Variants in ZBTB8B observed in about 807,000 individuals in gnomAD.
ZBTB8B encodes the protein zinc finger and BTB domain-containing protein 8B.
ZBTB8B carries 17 observed loss-of-function variants against 30.3 expected under a neutral mutation model. That is an observed-to-expected ratio of 0.56 (90% CI 0.38 to 0.84). The LOEUF is 0.84. Among genes scored for constraint, ZBTB8B ranks in the 40% least tolerant of loss-of-function variants. ZBTB8B has a pLI of 0.00. For synonymous variants in ZBTB8B, 248 were observed against 255.6 expected, an observed-to-expected ratio of 0.97 and a Z score of 0.28; for missense variants, 515 against 644.9, an observed-to-expected ratio of 0.80 and a Z score of 2.18.
At position 32,485,205 on chromosome 1, in the gene ZBTB8B, C is replaced by A; in HGVS notation, c.1275C>A (p.Thr425=). 1 of 1,551,924 alleles carries A rather than the reference C, an allele frequency of 6.4e-7. No individual in the cohort carries two copies. Among genetic ancestry groups the A allele is most frequent in the South Asian group, 1.2e-5 (1 of 84,056 alleles). Residue 425 remains threonine, a synonymous_variant, in exon 4 of 4, where the codon ACC becomes ACA. Transcript: ENST00000609129. ...GCTTCGGGCTGTGTGACAGCTGCAC[C>A]TGCGTTACAGACACACCCGATGATG... ...LRRFGLCDSC[T]CVTDTPDDDD... is the part of the protein sequence containing the mutation.
rs1643742121 is a variant in ZBTB8B at position 32,485,950 on chromosome 1, C to T, written c.*532C>T. On this transcript the variant is annotated 3_prime_UTR_variant, in exon 4 of 4. Coordinates refer to ENST00000609129, the MANE Select transcript of ZBTB8B (RefSeq NM_001145720.2). ...GCTACATGATCATAAAAGGTACTCC[C>T]TAAATCTAGAACAATTTTAAAGGCT... 1 of 155,982 alleles carries T rather than the reference C, an allele frequency of 6.4e-6. No individual in the cohort carries two copies. The highest frequency in any genetic ancestry group is 6.2e-5 in the Admixed American group (1 of 16,096). 9.7% of individuals were successfully genotyped at this position (155,982 alleles called of 1,614,324 possible).
chr1:32,490,776 A>T lies in ZBTB8B; in HGVS notation c.*5358A>T, dbSNP rs1643773950. The T allele has an allele frequency of 6.6e-6, 1 of 152,128 alleles. No homozygotes were observed. Among genetic ancestry groups the T allele is most frequent in the Admixed American group, 6.5e-5 (1 of 15,274 alleles). The allele number at this position is 152,128 out of a possible 1,614,324, so 9.4% of individuals were successfully genotyped here. ...AGCTAATTTTTTGTATTTTTAGTAG[A>T]GACGGGGTTTCACCGTGTTAGCCAG... On this transcript the variant is annotated 3_prime_UTR_variant, in exon 4 of 4. Transcript: ENST00000609129.
At position 32,492,296 on chromosome 1, in the gene ZBTB8B, C is replaced by CTT. The variant is rs757432694; in HGVS notation, c.*6900_*6901dup. On this transcript the variant is annotated 3_prime_UTR_variant, in exon 4 of 4. Coordinates refer to ENST00000609129, the MANE Select transcript of ZBTB8B (RefSeq NM_001145720.2). Reference sequence around the variant, plus strand: ...AAACACAGGCTCTTGGTAACCGTGCCTTTTTTTTTTTTTTTTTTTTTTTAA... The same window carrying CTT: ...AAACACAGGCTCTTGGTAACCGTGCCTTTTTTTTTTTTTTTTTTTTTTTTTAA... 3.7e-4 allele frequency: 45 copies of CTT among 122,976 alleles called. No homozygotes were observed. The highest frequency in any genetic ancestry group is 4.5e-3 in the Middle Eastern group (1 of 222). 7.6% of individuals were successfully genotyped at this position (122,976 alleles called of 1,614,324 possible).
Position 32,483,244 on chromosome 1 carries a change from C to CAAAAAAAAAAAAA in ZBTB8B, c.1171-1838_1171-1826dup, listed in dbSNP as rs59559091. Among the ~76,000 whole-genome samples, 30 of 56,354 alleles carry CAAAAAAAAAAAAA rather than the reference C, an allele frequency of 5.3e-4. 5 individuals carry two copies. The highest frequency in any genetic ancestry group is 1.4e-3 in the East Asian group (2 of 1,396). 37.0% of individuals were successfully genotyped at this position (56,354 alleles called of 152,430 possible). ...CGAAACCCCTTATCTACTAAAAATC[C>CAAAAAAAAAAAAA]AAAAAAAAAAAAAAAAAAAAAAAAA... On this transcript the variant is annotated intron_variant, in intron 3 of 3. Transcript: ENST00000609129.
rs1643779538 is a variant in ZBTB8B at position 32,491,506 on chromosome 1, C to G, written c.*6088C>G. ...TACTAGCAAGGCAGAACCAGTTGCTCTTCTCTGAAAGTCTCTGCAGCTGTC... is the reference window on the plus strand; with the variant it reads ...TACTAGCAAGGCAGAACCAGTTGCTGTTCTCTGAAAGTCTCTGCAGCTGTC... On this transcript the variant is annotated 3_prime_UTR_variant, in exon 4 of 4. Coordinates refer to ENST00000609129, the MANE Select transcript of ZBTB8B (RefSeq NM_001145720.2). 6.6e-6 allele frequency: 1 copy of G among 152,212 alleles called. No individual in the cohort carries two copies. The highest frequency in any genetic ancestry group is 1.5e-5 in the Non-Finnish European group (1 of 68,036). The allele number at this position is 152,212 out of a possible 1,614,324, so 9.4% of individuals were successfully genotyped here.
rs1278749439 is a variant in ZBTB8B at position 32,486,913 on chromosome 1, G to A, written c.*1495G>A. 6.6e-6 allele frequency: 1 copy of A among 152,172 alleles called. No homozygotes were observed. The highest frequency in any genetic ancestry group is 1.5e-5 in the Non-Finnish European group (1 of 68,038). 9.4% of individuals were successfully genotyped at this position (152,172 alleles called of 1,614,324 possible). On this transcript the variant is annotated 3_prime_UTR_variant, in exon 4 of 4. Transcript: ENST00000609129. ...GTAGCAGAACAGGTTTTTAAAAGCA[G>A]TCTACCTTTCGCCCACTTTCCAGCC...
intron 1 of ZBTB8B, among the ~76,000 whole-genome samples, chr1:32,468,972 T>C (rs930102094): frequency 6.6e-6 from 1 of 152,012 alleles, no homozygotes; most frequent in African/African-American, 2.4e-5. Context: ...GGAGGATCGC[T>C]TGAGGCAAAG....
At position 32,470,778 on chromosome 1, in the gene ZBTB8B, C is replaced by T; in HGVS notation, c.154C>T (p.Leu52=). ...LFANSGYFRA[L]LIHYIQDSGR... ...TGCTAACAGCGGCTACTTCCGAGCC[C>T]TGCTCATTCACTATATCCAGGACAG... Residue 52 remains leucine, a synonymous_variant, in exon 2 of 4, where the codon CTG becomes TTG. Coordinates refer to ENST00000609129, the MANE Select transcript of ZBTB8B (RefSeq NM_001145720.2). 6.4e-7 allele frequency: 1 copy of T among 1,551,800 alleles called. No individual in the cohort carries two copies. The highest frequency in any genetic ancestry group is 8.7e-7 in the Non-Finnish European group (1 of 1,147,018).
chr1:32,468,415 A>G (rs901137912), intron 1 of ZBTB8B, among the ~76,000 whole-genome samples: 12 of 152,190 alleles, frequency 7.9e-5, no homozygotes, highest in Non-Finnish European at 1.5e-4. Flanking sequence ...TCTCCGAGCC[A>G]ATCACTGTGG....
At position 32,471,500 on chromosome 1, in the gene ZBTB8B, C is replaced by A. The variant is rs780759340; in HGVS notation, c.876C>A (p.Ser292Arg). Residue 292 changes from serine to arginine, a missense_variant, in exon 2 of 4, where the codon AGC becomes AGA. This residue lies in a region of ZBTB8B where 429 missense variants were observed against 504.3 expected (regional missense o/e 0.85). Coordinates refer to ENST00000609129, the MANE Select transcript of ZBTB8B (RefSeq NM_001145720.2). ...EALLRNSAAP[S>R]KDDADHHFSR... The stretch of plus-strand genomic sequence containing the variant: ...TCTTGCGCAACAGCGCTGCCCCGAG[C>A]AAGGATGATGCAGACCATCACTTTT... 7 of 1,551,816 alleles carry A rather than the reference C, an allele frequency of 4.5e-6. No homozygotes were observed. Among genetic ancestry groups the A allele is most frequent in the Non-Finnish European group, 5.2e-6 (6 of 1,147,016 alleles).
intron 1 of ZBTB8B, among the ~76,000 whole-genome samples, chr1:32,468,195 G>A (rs1368805824): frequency 6.6e-6 from 1 of 151,970 alleles, no homozygotes; most frequent in Non-Finnish European, 1.5e-5. Flanking sequence ...GAACTTAATT[G>A]GCTTCTGGCA....
At chr1:32,466,351 T>G (rs888848180) in intron 1 of ZBTB8B, among the ~76,000 whole-genome samples, 16 of 152,194 alleles carry the variant, frequency 1.1e-4, no homozygotes, top group South Asian at 2.1e-4. Flanking sequence ...CATTTTTCTA[T>G]TCCTGGCATC....
Position 32,470,581 on chromosome 1 carries a change from CAG to C in ZBTB8B, c.-40_-39del. 1 of 1,462,426 alleles carries C rather than the reference CAG, an allele frequency of 6.8e-7. No individual in the cohort carries two copies. The highest frequency in any genetic ancestry group is 9.1e-7 in the Non-Finnish European group (1 of 1,100,128). The allele number at this position is 1,462,426 out of a possible 1,614,324, so 90.6% of individuals were successfully genotyped here. ...TGAATTAACTTAAGAAAAATCTTGG[CAG>C]AGATACAGGTTTGCTCTGGAGCAGC... On this transcript the variant is annotated splice_acceptor_variant, in intron 1 of 3. Transcript: ENST00000609129. LOFTEE classifies it low-confidence loss of function (5UTR_SPLICE).
At chr1:32,482,541 T>C (rs1043802306) in intron 3 of ZBTB8B, among the ~76,000 whole-genome samples, 41 of 151,488 alleles carry the variant, frequency 2.7e-4, no homozygotes, top group African/African-American at 9.7e-4. Context: ...TGTGGTGGTG[T>C]GCATCTGTAG....
rs541160413 is a variant in ZBTB8B at position 32,469,246 on chromosome 1, A to ATTTTTTTTTTTT, written c.-41-1332_-41-1321dup. Among the ~76,000 whole-genome samples, 78 of 117,334 alleles carry ATTTTTTTTTTTT rather than the reference A, an allele frequency of 6.6e-4. 2 individuals are homozygous for ATTTTTTTTTTTT. Among genetic ancestry groups the ATTTTTTTTTTTT allele is most frequent in the Middle Eastern group, 4.7e-3 (1 of 212 alleles). The allele number at this position is 117,334 out of a possible 152,430, so 77.0% of individuals were successfully genotyped here. A position where few individuals can be genotyped will look rare whatever the true frequency, so the allele number is the denominator to read the frequency against. ...TTGATACACTAAACACTCAAGTATAATTTTTTTTTTTTTTTTTGAGACAGA... is the reference window on the plus strand; with the variant it reads ...TTGATACACTAAACACTCAAGTATAATTTTTTTTTTTTTTTTTTTTTTTTTTTTTGAGACAGA... On this transcript the variant is annotated intron_variant, in intron 1 of 3. Transcript: ENST00000609129.
At chr1:32,480,411 A>G (rs1643695707) in intron 2 of ZBTB8B, among the ~76,000 whole-genome samples, 1 of 152,132 alleles carries the variant, frequency 6.6e-6, no homozygotes, top group Non-Finnish European at 1.5e-5. Context: ...TTTAACCTTA[A>G]TTACCTTCTT....
rs1458931334 is a variant in ZBTB8B at position 32,487,930 on chromosome 1, T to A, written c.*2512T>A. The stretch of plus-strand genomic sequence containing the variant: ...TTATCAGGGACCAGAGATATTTGTC[T>A]TATCTGAAATAAAAATACTAGCTGT... On this transcript the variant is annotated 3_prime_UTR_variant, in exon 4 of 4. Transcript: ENST00000609129. 1 of 151,832 alleles carries A rather than the reference T, an allele frequency of 6.6e-6. No homozygotes were observed. Among genetic ancestry groups the A allele is most frequent in the African/African-American group, 2.4e-5 (1 of 41,348 alleles). The allele number at this position is 151,832 out of a possible 1,614,324, so 9.4% of individuals were successfully genotyped here. A position where few individuals can be genotyped will look rare whatever the true frequency, so the allele number is the denominator to read the frequency against.
In ZBTB8B at chr1:32,485,608, G is replaced by A; in HGVS notation, c.*190G>A. ...CTCAAAGGACAGATAACCTTTTTGT[G>A]TGGTGCCCTTGGTTTCTGAGGGCTT... On this transcript the variant is annotated 3_prime_UTR_variant, in exon 4 of 4. Coordinates refer to ENST00000609129, the MANE Select transcript of ZBTB8B (RefSeq NM_001145720.2). 1 of 636,326 alleles carries A rather than the reference G, an allele frequency of 1.6e-6. No individual in the cohort carries two copies. The highest frequency in any genetic ancestry group is 2.9e-5 in the East Asian group (1 of 34,786). 39.4% of individuals were successfully genotyped at this position (636,326 alleles called of 1,614,324 possible). A position where few individuals can be genotyped will look rare whatever the true frequency, so the allele number is the denominator to read the frequency against.
chr1:32,483,280 C>T (rs1242175067), intron 3 of ZBTB8B, among the ~76,000 whole-genome samples: 1 of 139,420 alleles, frequency 7.2e-6, no homozygotes, highest in East Asian at 2.2e-4. Flanking sequence ...AAAAAATTAG[C>T]CAGGCTTGGT....
Sources: gnomAD v4.1 joint callset for allele counts (sites outside exome capture counted in the v4.1 genomes callset) on GRCh38, gnomAD v4.1.1 for gene constraint, gnomAD v4.1.1 regional missense constraint, MANE v1.5 for transcripts, NCBI Gene and HGNC (gene_info 2026-07-23, HGNC 2026-07-21) for gene names.